ACSL3: variants seen among roughly 807,000 people sequenced by gnomAD.
ACSL3 encodes acyl-CoA synthetase long chain family member 3.
A neutral mutation model predicts 84.7 loss-of-function variants in ACSL3; 34 were observed. The observed-to-expected ratio is 0.40, with a 90% CI of 0.31 to 0.53. The LOEUF (loss-of-function observed/expected upper bound fraction) is 0.53. Ranked by LOEUF, ACSL3 falls within the 20% of genes least tolerant of loss-of-function variation. The pLI is 0.48. For missense variants in ACSL3, 680 were observed against 873.1 expected (o/e 0.78, Z 2.79); for synonymous variants, 315 against 299.4 (o/e 1.05, Z -0.54).
chr2:222,934,835 C>T, intron 16 of ACSL3, 148 bp downstream of exon 16: 1 of 771,110 alleles, frequency 1.3e-6, no homozygotes, highest in Non-Finnish European at 1.9e-6. Flanking sequence ...CTTATCAGTC[C>T]CCCATTCAAG....
intron 1 of ACSL3, among the ~76,000 whole-genome samples, chr2:222,875,569 G>C (rs548588358): frequency 1.4e-4 from 21 of 152,234 alleles, no homozygotes; most frequent in African/African-American, 4.8e-4. Flanking sequence ...GACCTTATTG[G>C]TATTAACTTT....
At chr2:222,919,963 G>GGTGA (rs1253428437) in intron 7 of ACSL3, among the ~76,000 whole-genome samples, 2 of 152,142 alleles carry the variant, frequency 1.3e-5, no homozygotes, top group African/African-American at 4.8e-5. Flanking sequence ...GGGAGTAGGG[G>GGTGA]GTGAGGTCAC....
intron 10 of ACSL3, among the ~76,000 whole-genome samples, chr2:222,924,039 G>T (rs1559299272): frequency 6.6e-6 from 1 of 152,080 alleles, no homozygotes; most frequent in Non-Finnish European, 1.5e-5. Flanking sequence ...AAAGAATGTG[G>T]TACTGTATAT....
intron 10 of ACSL3, among the ~76,000 whole-genome samples, chr2:222,923,962 T>C (rs1696806887): frequency 6.6e-6 from 1 of 152,204 alleles, no homozygotes; most frequent in Non-Finnish European, 1.5e-5. Flanking sequence ...GAAAACTTCC[T>C]GGTGCAATAT....
chr2:222,923,298 G>T, intron 10 of ACSL3, 149 bp downstream of exon 10: 2 of 640,854 alleles, frequency 3.1e-6, no homozygotes, highest in East Asian at 2.8e-5. Flanking sequence ...GGCGCTATGG[G>T]ATTTCTTCAG....
At chr2:222,941,122 GT>G (rs1300030281) in intron 16 of ACSL3, among the ~76,000 whole-genome samples, 1 of 151,896 alleles carries the variant, frequency 6.6e-6, no homozygotes, top group Non-Finnish European at 1.5e-5. Flanking sequence ...TAGAGACAAG[GT>G]CTCGCTATGT....
intron 4 of ACSL3, among the ~76,000 whole-genome samples, chr2:222,915,766 T>A: frequency 6.6e-6 from 1 of 152,258 alleles, no homozygotes. Context: ...GAAACTTGTT[T>A]ACTTTGCTTT....
intron 3 of ACSL3, among the ~76,000 whole-genome samples, chr2:222,908,455 C>G (rs1479019015): frequency 6.6e-6 from 1 of 152,214 alleles, no homozygotes; most frequent in Non-Finnish European, 1.5e-5. Flanking sequence ...CTCTTTCTGA[C>G]TTGCTCCCTT....
chr2:222,883,801 A>C (rs2100065), intron 1 of ACSL3, among the ~76,000 whole-genome samples: 3 of 151,916 alleles, frequency 2.0e-5, no homozygotes, highest in Admixed American at 2.0e-4. Context: ...TCTATATTCT[A>C]CCCCTTGCTT....
chr2:222,894,604 A>T (rs762309918), intron 2 of ACSL3, among the ~76,000 whole-genome samples: 1 of 152,064 alleles, frequency 6.6e-6, no homozygotes, highest in Non-Finnish European at 1.5e-5. Flanking sequence ...TGAAGTTGGG[A>T]GTTGTTAAAT....
At chr2:222,870,672 CAG>C (rs1695276482) in intron 1 of ACSL3, among the ~76,000 whole-genome samples, 1 of 152,060 alleles carries the variant, frequency 6.6e-6, no homozygotes. Context: ...GTAGAGCTAA[CAG>C]GGCAAAATGA....
intron 3 of ACSL3, among the ~76,000 whole-genome samples, chr2:222,906,601 A>T (rs1371341965): frequency 2.7e-5 from 4 of 147,438 alleles, no homozygotes; most frequent in Non-Finnish European, 4.4e-5. Context: ...TGCTGCTGTC[A>T]CAGAACTACC....
At chr2:222,940,913 T>A (rs929356782) in intron 16 of ACSL3, among the ~76,000 whole-genome samples, 6 of 152,018 alleles carry the variant, frequency 3.9e-5, no homozygotes, top group Non-Finnish European at 8.8e-5. Flanking sequence ...TTTTTTTTTT[T>A]TAAATGAGAT....
At chr2:222,936,984 G>T (rs1368328277) in intron 16 of ACSL3, among the ~76,000 whole-genome samples, 4 of 152,058 alleles carry the variant, frequency 2.6e-5, no homozygotes, top group African/African-American at 7.2e-5. Flanking sequence ...CTCCCACCAG[G>T]TTCCCCCCTT....
At chr2:222,866,753 GCCCCCCCCCCCCCCCCCC>G (rs1237425837) in intron 1 of ACSL3, among the ~76,000 whole-genome samples, 15 of 18,712 alleles carry the variant, frequency 8.0e-4, no homozygotes, top group South Asian at 5.3e-3. Context: ...TGCCCCCCCC[GCCCCCCCCCCCCCCCCCC>G]CCCCCCGCCC....
chr2:222,942,097 T>C lies in ACSL3; in HGVS notation c.*443T>C, dbSNP rs1190328169. On this transcript the variant is annotated 3_prime_UTR_variant, in exon 17 of 17. Coordinates refer to ENST00000357430, the MANE Select transcript of ACSL3 (RefSeq NM_004457.5). Reference sequence around the variant, plus strand: ...ATTTAAAAATACAAGGGTATTGATATGAAATTATGTAAATTTCAAATGCTT... The same window carrying C: ...ATTTAAAAATACAAGGGTATTGATACGAAATTATGTAAATTTCAAATGCTT... 1 of 211,200 alleles carries C rather than the reference T, an allele frequency of 4.7e-6. No individual in the cohort carries two copies. Among genetic ancestry groups the C allele is most frequent in the Admixed American group, 5.9e-5 (1 of 17,000 alleles). 13.1% of individuals were successfully genotyped at this position (211,200 alleles called of 1,614,324 possible). A position where few individuals can be genotyped will look rare whatever the true frequency, so the allele number is the denominator to read the frequency against.
intron 4 of ACSL3, among the ~76,000 whole-genome samples, chr2:222,913,995 G>C (rs1468102265): frequency 1.3e-5 from 2 of 152,116 alleles, no homozygotes; most frequent in Non-Finnish European, 2.9e-5. Context: ...CAGATCTCTT[G>C]AATATTTTTA....
intron 12 of ACSL3, 79 bp downstream of exon 12, chr2:222,927,268 TAGG>T (rs1696908654): frequency 2.2e-5 from 32 of 1,470,358 alleles, no homozygotes; most frequent in East Asian, 6.9e-5. Flanking sequence ...TGCAAATATA[TAGG>T]AGAAGAGTAG....
intron 4 of ACSL3, 40 bp downstream of exon 4, chr2:222,909,190 A>C: frequency 6.4e-7 from 1 of 1,561,202 alleles, no homozygotes; most frequent in Non-Finnish European, 8.7e-7. Flanking sequence ...CTTTCGAATA[A>C]AATATCCTGT....
Sources: allele counts gnomAD v4.1 joint callset (sites outside exome capture counted in the v4.1 genomes callset), GRCh38; gene constraint gnomAD v4.1.1; transcripts MANE v1.5; gene names NCBI Gene and HGNC (gene_info 2026-07-23, HGNC 2026-07-21).